AUTS2: variants seen among roughly 807,000 people sequenced by gnomAD.
AUTS2 encodes autism susceptibility gene 2 protein.
A neutral mutation model predicts 112.4 loss-of-function variants in AUTS2; 17 were observed. That is an observed-to-expected ratio of 0.15 (90% confidence interval 0.10 to 0.23). The LOEUF is 0.23. Ranked by LOEUF, AUTS2 falls within the 10% of genes least tolerant of loss-of-function variation. The pLI, the probability that AUTS2 is intolerant of heterozygous loss-of-function variation, is 1.00. For missense variants in AUTS2, 1,510 were observed against 1,701.6 expected (o/e 0.89, Z 1.98); for synonymous variants, 751 against 702.7 (o/e 1.07, Z -1.09).
chr7:70,315,271 G>A (rs186739396), intron 4 of AUTS2, among the ~76,000 whole-genome samples: 17 of 152,106 alleles, frequency 1.1e-4, no homozygotes, highest in Admixed American at 3.9e-4. Flanking sequence ...TTAAATATTC[G>A]TCAGTATCCC....
At chr7:69,838,664 TTC>T (rs1289789514) in intron 1 of AUTS2, among the ~76,000 whole-genome samples, 1 of 152,164 alleles carries the variant, frequency 6.6e-6, no homozygotes, top group African/African-American at 2.4e-5. Context: ...TATTTAAAGA[TTC>T]TTTTAGCAGT....
chr7:70,659,329 AC>A (rs1424248903), intron 5 of AUTS2, among the ~76,000 whole-genome samples: 2 of 151,974 alleles, frequency 1.3e-5, no homozygotes, highest in Admixed American at 1.3e-4. Flanking sequence ...GCTAAATGAC[AC>A]CCGTATTCTG....
chr7:70,440,226 TAAAAAA>T lies in AUTS2; in HGVS notation c.690+4463_690+4468del, dbSNP rs768717430. 2.2e-5 allele frequency among the ~76,000 whole-genome samples: 2 copies of T among 92,838 alleles called. 1 individual carries two copies. Among genetic ancestry groups the T allele is most frequent in the South Asian group, 7.1e-4 (2 of 2,804 alleles). The allele number at this position is 92,838 out of a possible 152,430, so 60.9% of individuals were successfully genotyped here. A position where few individuals can be genotyped will look rare whatever the true frequency, so the allele number is the denominator to read the frequency against. The stretch of plus-strand genomic sequence containing the variant: ...GGGCAACATAGTGAGGCCCTGTCTC[TAAAAAA>T]AAAAAAAAAAAAAAAAATCTTAAAA... On this transcript the variant is annotated intron_variant, in intron 5 of 18. Coordinates refer to ENST00000342771, the MANE Select transcript of AUTS2 (RefSeq NM_015570.4).
rs553689720 is a variant in AUTS2 at position 70,615,956 on chromosome 7, G to A, written c.691-82613G>A. ...GGTAGGGTTTTGCCATGTTGCCCAG[G>A]CTGGTCTCGAACTCCAGACCTCAAG... On this transcript the variant is annotated intron_variant, in intron 5 of 18. Transcript: ENST00000342771. 6.6e-5 allele frequency among the ~76,000 whole-genome samples: 10 copies of A among 152,192 alleles called. No homozygotes were observed. The South Asian group carries it at 1.7e-3, about 25-fold the overall frequency.
chr7:70,266,042 T>A (rs1787405967), intron 4 of AUTS2, among the ~76,000 whole-genome samples: 1 of 152,220 alleles, frequency 6.6e-6, no homozygotes, highest in African/African-American at 2.4e-5. Context: ...ATTCTACTCC[T>A]AGCTATATAC....
At chr7:69,613,798 A>T (rs1793171677) in intron 1 of AUTS2, among the ~76,000 whole-genome samples, 1 of 152,170 alleles carries the variant, frequency 6.6e-6, no homozygotes, top group Admixed American at 6.5e-5. Context: ...GTATTTTTTT[A>T]AAATCTATTA....
intron 1 of AUTS2, among the ~76,000 whole-genome samples, chr7:69,668,475 A>G (rs1002887286): frequency 3.9e-5 from 6 of 152,236 alleles, no homozygotes; most frequent in African/African-American, 1.4e-4. Flanking sequence ...CTACCCATCC[A>G]CTATTACTTT....
intron 1 of AUTS2, among the ~76,000 whole-genome samples, chr7:69,862,888 T>C (rs1051880873): frequency 6.6e-6 from 1 of 152,134 alleles, no homozygotes; most frequent in African/African-American, 2.4e-5. Flanking sequence ...AAATGGATAG[T>C]CCTGTTTTCT....
At chr7:69,752,669 T>C (rs1787791047) in intron 1 of AUTS2, among the ~76,000 whole-genome samples, 1 of 152,208 alleles carries the variant, frequency 6.6e-6, no homozygotes, top group African/African-American at 2.4e-5. Context: ...TGAATTAATC[T>C]TTGAGAGGAT....
intron 5 of AUTS2, among the ~76,000 whole-genome samples, chr7:70,519,191 C>A (rs1486974494): frequency 6.6e-6 from 1 of 152,116 alleles, no homozygotes; most frequent in African/African-American, 2.4e-5. Flanking sequence ...GGCATCAACA[C>A]GGTCATAGAG....
intron 11 of AUTS2, among the ~76,000 whole-genome samples, chr7:70,773,683 A>G (rs1224720316): frequency 2.0e-5 from 3 of 152,222 alleles, no homozygotes; most frequent in Non-Finnish European, 2.9e-5. Flanking sequence ...GTGATTAAGC[A>G]AAAAAACAGT....
At chr7:70,693,283 G>A (rs1808853095) in intron 5 of AUTS2, among the ~76,000 whole-genome samples, 1 of 152,206 alleles carries the variant, frequency 6.6e-6, no homozygotes, top group African/African-American at 2.4e-5. Context: ...CTGTGCTCTA[G>A]GGGATACAGA....
chr7:70,514,388 C>T (rs577051695), intron 5 of AUTS2, among the ~76,000 whole-genome samples: 19 of 152,324 alleles, frequency 1.2e-4, no homozygotes, highest in South Asian at 4.1e-4. Context: ...AAGCATGGCA[C>T]CAGCATATGC....
At chr7:70,248,471 A>AT (rs202093031) in intron 4 of AUTS2, among the ~76,000 whole-genome samples, 2 of 152,028 alleles carry the variant, frequency 1.3e-5, no homozygotes, top group African/African-American at 4.8e-5. Flanking sequence ...ATATAGATTG[A>AT]TTTTTTTTAA....
chr7:70,297,305 C>T lies in AUTS2; in HGVS notation c.661-138447C>T, dbSNP rs149483675. Among the ~76,000 whole-genome samples, 888 of 152,072 alleles carry T rather than the reference C, an allele frequency of 5.8e-3. 9 individuals are homozygous for T. Among genetic ancestry groups the T allele is most frequent in the Middle Eastern group, 0.02 (6 of 294 alleles). ...AATTTCTTTCCAACAAAGCTGTCTACGTAGTTAACTGAGAACCGTCTCCAA... is the reference window on the plus strand; with the variant it reads ...AATTTCTTTCCAACAAAGCTGTCTATGTAGTTAACTGAGAACCGTCTCCAA... On this transcript the variant is annotated intron_variant, in intron 4 of 18. Transcript: ENST00000342771.
At chr7:70,659,777 C>T (rs1442595808) in intron 5 of AUTS2, among the ~76,000 whole-genome samples, 2 of 152,010 alleles carry the variant, frequency 1.3e-5, no homozygotes, top group South Asian at 2.1e-4. Flanking sequence ...AATGTCAAAT[C>T]GTGGGCAGTA....
intron 1 of AUTS2, among the ~76,000 whole-genome samples, chr7:69,777,359 T>C (rs1255568765): frequency 6.6e-6 from 1 of 152,224 alleles, no homozygotes; most frequent in Non-Finnish European, 1.5e-5. Flanking sequence ...ATTTCAGTTG[T>C]ATTACTTAAG....
chr7:69,835,580 T>C (rs1244805236), intron 1 of AUTS2, among the ~76,000 whole-genome samples: 1 of 152,168 alleles, frequency 6.6e-6, no homozygotes, highest in Non-Finnish European at 1.5e-5. Context: ...CAAACCATAA[T>C]AGATATTGCA....
At chr7:70,225,738 A>G (rs187281549) in intron 4 of AUTS2, among the ~76,000 whole-genome samples, 1 of 152,232 alleles carries the variant, frequency 6.6e-6, no homozygotes, top group African/African-American at 2.4e-5. Context: ...GGTACTTGAA[A>G]AATTATTTTA....
Sources: gnomAD v4.1 joint callset for allele counts (sites outside exome capture counted in the v4.1 genomes callset) on GRCh38, gnomAD v4.1.1 for gene constraint, MANE v1.5 for transcripts, NCBI Gene and HGNC (gene_info 2026-07-23, HGNC 2026-07-21) for gene names.